The following SIM2 variants were observed in gnomAD, a reference collection of about 807,000 sequenced individuals.
The protein encoded by SIM2 is SIM bHLH transcription factor 2.
A neutral mutation model predicts 64.8 loss-of-function variants in SIM2; 28 were observed. The ratio of observed to expected loss-of-function variants is 0.43; its 90% CI spans 0.32 to 0.59. The LOEUF (loss-of-function observed/expected upper bound fraction) is 0.59, where lower values mean the gene tolerates loss of function less well. SIM2 is among the 20% of genes least tolerant of loss of function. SIM2 has a pLI of 0.07. For missense variants in SIM2, 847 were observed against 871.4 expected (o/e 0.97, Z 0.35); for synonymous variants, 408 against 391.1 (o/e 1.04, Z -0.51).
Position 36,745,297 on chromosome 21 carries a change from C to A in SIM2, c.1576+161C>A. 1.4e-6 allele frequency: 2 copies of A among 1,452,964 alleles called. No homozygotes were observed. Among genetic ancestry groups the A allele is most frequent in the Non-Finnish European group, 1.8e-6 (2 of 1,099,660 alleles). 90.0% of individuals were successfully genotyped at this position (1,452,964 alleles called of 1,614,324 possible). A position where few individuals can be genotyped will look rare whatever the true frequency, so the allele number is the denominator to read the frequency against. ...AGGGCTTGCTGTGCTTTCTTGCTCT[C>A]AATGCAGGTGCTCCTCGAGAGTGAG... is the stretch of plus-strand genomic sequence containing the variant. On this transcript the variant is annotated intron_variant, in intron 10 of 10. Transcript: ENST00000290399. This position sits in a 1 kb window ranked among gnomAD's most constrained non-coding sequence, Gnocchi z 4.8.
chr21:36,735,786 T>C (rs1323707511), intron 7 of SIM2, among the ~76,000 whole-genome samples: 1 of 152,114 alleles, frequency 6.6e-6, no homozygotes, highest in African/African-American at 2.4e-5. Context: ...GAGAGGCCCT[T>C]CCCATATTAT....
chr21:36,728,852 G>A (rs943087133), intron 6 of SIM2, among the ~76,000 whole-genome samples: 25 of 152,248 alleles, frequency 1.6e-4, no homozygotes, highest in African/African-American at 5.5e-4. Flanking sequence ...GAGGGTGGTC[G>A]TGGGCCTGTC....
chr21:36,719,505 C>A (rs1045586448), intron 3 of SIM2, among the ~76,000 whole-genome samples: 1 of 152,190 alleles, frequency 6.6e-6, no homozygotes, highest in African/African-American at 2.4e-5. Context: ...GGATGCTGCC[C>A]AGGCCAGCAG....
chr21:36,707,700 A>C (rs1349790889), intron 1 of SIM2, among the ~76,000 whole-genome samples: 1 of 151,712 alleles, frequency 6.6e-6, no homozygotes, highest in African/African-American at 2.4e-5. Flanking sequence ...AGGCCTCCAG[A>C]GACCGCGATG....
chr21:36,734,410 C>T (rs756319357), intron 7 of SIM2, among the ~76,000 whole-genome samples: 4 of 152,138 alleles, frequency 2.6e-5, no homozygotes, highest in Non-Finnish European at 5.9e-5. Flanking sequence ...CCAAATGAGC[C>T]AGAATTGGTA....
At chr21:36,743,317 G>T in intron 8 of SIM2, 70 bp from the exon 9 acceptor site, 1 of 1,426,340 alleles carries the variant, frequency 7.0e-7, no homozygotes, top group South Asian at 1.3e-5. Flanking sequence ...CTGCCCAAGG[G>T]CTGGGGCCAG....
chr21:36,705,912 C>T (rs1042116517), intron 1 of SIM2, among the ~76,000 whole-genome samples: 11 of 152,226 alleles, frequency 7.2e-5, no homozygotes, highest in African/African-American at 2.7e-4. Context: ...ACAGTCCAGG[C>T]CCTGTGTCCT....
At chr21:36,718,689 C>T (rs952788777) in intron 3 of SIM2, among the ~76,000 whole-genome samples, 2 of 152,154 alleles carry the variant, frequency 1.3e-5, no homozygotes, top group African/African-American at 2.4e-5. Context: ...CTGGGCCTCC[C>T]CTGAACAATG....
At chr21:36,727,984 G>T (rs113161332) in intron 6 of SIM2, among the ~76,000 whole-genome samples, 1,615 of 152,232 alleles carry the variant, frequency 0.011, 33 homozygotes, top group African/African-American at 0.036. Context: ...CATCTTCCCA[G>T]AAACTCCAAG....
At chr21:36,725,553 T>C (rs2088878929) in intron 5 of SIM2, among the ~76,000 whole-genome samples, 2 of 152,188 alleles carry the variant, frequency 1.3e-5, no homozygotes, top group Non-Finnish European at 2.9e-5. Flanking sequence ...CTCCATCATA[T>C]ATGACAGGGC....
At chr21:36,737,183 C>T (rs55976667) in intron 7 of SIM2, among the ~76,000 whole-genome samples, 2,655 of 152,318 alleles carry the variant, frequency 0.017, 74 homozygotes, top group African/African-American at 0.06. Context: ...CCCATCTTGA[C>T]CTCCCAAAGT....
intron 7 of SIM2, among the ~76,000 whole-genome samples, chr21:36,738,553 A>C (rs1237264090): frequency 1.3e-5 from 2 of 152,050 alleles, no homozygotes; most frequent in Non-Finnish European, 2.9e-5. Flanking sequence ...ATACCAACCT[A>C]ATAGCTATAG....
rs1050481203 is a variant in SIM2, at chr21:36,726,843, T to C, written c.743+525T>C. On this transcript the variant is annotated intron_variant, in intron 6 of 10. Coordinates refer to ENST00000290399, the MANE Select transcript of SIM2 (RefSeq NM_005069.6). This position sits in a 1 kb window ranked among gnomAD's most constrained non-coding sequence, Gnocchi z 4.5. ...TGGGGGATGCTCTTCCCACAGCTCA[T>C]GGGTGCCCTGTCTACATCTGGGCTG... 4.6e-5 allele frequency among the ~76,000 whole-genome samples: 7 copies of C among 152,104 alleles called. No individual in the cohort carries two copies. The highest frequency in any genetic ancestry group is 1.0e-4 in the Non-Finnish European group (7 of 68,008).
intron 3 of SIM2, among the ~76,000 whole-genome samples, chr21:36,713,660 T>C (rs1288680697): frequency 6.6e-6 from 1 of 152,242 alleles, no homozygotes; most frequent in Non-Finnish European, 1.5e-5. Flanking sequence ...TTAATGTGGC[T>C]TCAGTTTGCT....
chr21:36,710,831 C>T (rs964602572), intron 2 of SIM2, among the ~76,000 whole-genome samples: 12 of 152,238 alleles, frequency 7.9e-5, no homozygotes. Context: ...TAATGGCGCT[C>T]TGGGAGCCCT....
chr21:36,738,018 A>C lies in SIM2; in HGVS notation c.851-3699A>C, dbSNP rs139592033. On this transcript the variant is annotated intron_variant, in intron 7 of 10. Coordinates refer to ENST00000290399, the MANE Select transcript of SIM2 (RefSeq NM_005069.6). ...AGCAAAAAGAAAAAAGCATGGGGCC[A>C]TATTCCTAAGGGCTTGAATAGATTT... 5.6e-3 allele frequency among the ~76,000 whole-genome samples: 841 copies of C among 151,136 alleles called. 3 individuals are homozygous for C. Among genetic ancestry groups the C allele is most frequent in the Non-Finnish European group, 8.8e-3 (594 of 67,788 alleles).
chr21:36,709,509 C>T (rs778435388), intron 2 of SIM2: 1 of 642,388 alleles, frequency 1.6e-6, no homozygotes, highest in Middle Eastern at 2.4e-4. Context: ...CACCTGAGAC[C>T]TACGCCAGGG....
At chr21:36,725,290 C>T (rs993640694) in intron 5 of SIM2, among the ~76,000 whole-genome samples, 12 of 152,110 alleles carry the variant, frequency 7.9e-5, no homozygotes, top group Non-Finnish European at 1.5e-5. Context: ...GTCAAGGCTG[C>T]AGTGAGCCTG....
intron 5 of SIM2, among the ~76,000 whole-genome samples, chr21:36,725,046 T>G (rs934898131): frequency 2.6e-5 from 4 of 152,088 alleles, no homozygotes; most frequent in Admixed American, 1.3e-4. Context: ...AAATGAAGAC[T>G]TCAAAAAATT....
Sources: allele counts gnomAD v4.1 joint callset (sites outside exome capture counted in the v4.1 genomes callset), GRCh38; gene constraint gnomAD v4.1.1; non-coding constraint Gnocchi (gnomAD v3.1); transcripts MANE v1.5; gene names NCBI Gene and HGNC (gene_info 2026-07-23, HGNC 2026-07-21).